SGCZ: variants seen among roughly 807,000 people sequenced by gnomAD.
SGCZ encodes zeta-sarcoglycan.
SGCZ carries 40 observed loss-of-function variants against 41.3 expected under a neutral mutation model. The ratio of observed to expected loss-of-function variants is 0.97; its 90% CI spans 0.75 to 1.26. The LOEUF is 1.26. Ranked by LOEUF, SGCZ falls within the 50% of genes most tolerant of loss-of-function variation. The pLI is 0.00. For missense variants in SGCZ, 552 were observed against 369.8 expected, an observed-to-expected ratio of 1.49 and a Z score of -4.04; for synonymous variants, 206 against 137.5, an observed-to-expected ratio of 1.50 and a Z score of -3.49.
Position 14,647,209 on chromosome 8 carries a change from G to A in SGCZ, c.40-92283C>T, listed in dbSNP as rs562884339. ...TAATGATAAACTATATAGCTCTCTG[G>A]ACTGATAAACAGAAAAATGAGACCA... On this transcript the variant is annotated intron_variant, in intron 1 of 7. Coordinates refer to ENST00000382080, the MANE Select transcript of SGCZ (RefSeq NM_139167.4). Among the ~76,000 whole-genome samples the A allele has an allele frequency of 3.3e-5, 5 of 151,996 alleles. No homozygotes were observed. The South Asian group carries it at 8.3e-4, about 25-fold the overall frequency.
intron 1 of SGCZ, among the ~76,000 whole-genome samples, chr8:15,225,937 T>C (rs1322860730): frequency 1.3e-5 from 2 of 152,290 alleles, no homozygotes; most frequent in South Asian, 4.1e-4. Flanking sequence ...CCTGCTTTGA[T>C]CTATGCACAT....
intron 4 of SGCZ, among the ~76,000 whole-genome samples, chr8:14,177,562 T>G (rs1381143624): frequency 6.6e-6 from 1 of 152,144 alleles, no homozygotes; most frequent in African/African-American, 2.4e-5. Context: ...CAGGCTGGAG[T>G]GCAGTGGCGC....
intron 2 of SGCZ, among the ~76,000 whole-genome samples, chr8:14,541,375 C>T (rs879464975): frequency 1.3e-4 from 20 of 151,736 alleles, no homozygotes; most frequent in East Asian, 1.9e-4. Flanking sequence ...TGTTCAGCTC[C>T]GAGTGAGAAC....
At chr8:14,998,457 G>C (rs762054167) in intron 1 of SGCZ, among the ~76,000 whole-genome samples, 1 of 152,218 alleles carries the variant, frequency 6.6e-6, no homozygotes, top group Non-Finnish European at 1.5e-5. Context: ...AATGATGACA[G>C]ATAGATAGCC....
At chr8:14,672,394 T>C (rs937769837) in intron 1 of SGCZ, among the ~76,000 whole-genome samples, 2 of 152,164 alleles carry the variant, frequency 1.3e-5, no homozygotes, top group Non-Finnish European at 2.9e-5. Flanking sequence ...GCAAGAAACA[T>C]GATTGGGCTT....
intron 1 of SGCZ, among the ~76,000 whole-genome samples, chr8:14,839,368 G>C (rs532599096): frequency 3.3e-5 from 5 of 152,240 alleles, no homozygotes; most frequent in African/African-American, 1.2e-4. Context: ...GCATACATGA[G>C]AACCTGTGTT....
At chr8:14,264,408 T>C (rs1218819401) in intron 3 of SGCZ, among the ~76,000 whole-genome samples, 1 of 152,142 alleles carries the variant, frequency 6.6e-6, no homozygotes, top group Admixed American at 6.5e-5. Context: ...AGCATCTGGA[T>C]CTTCCTCAGC....
chr8:14,490,657 A>G (rs1334213304), intron 2 of SGCZ, among the ~76,000 whole-genome samples: 1 of 152,184 alleles, frequency 6.6e-6, no homozygotes, highest in Non-Finnish European at 1.5e-5. Context: ...AGTGTCCATT[A>G]CAAGTCAAAT....
intron 1 of SGCZ, among the ~76,000 whole-genome samples, chr8:14,676,264 T>C (rs1247133936): frequency 6.6e-6 from 1 of 151,992 alleles, no homozygotes; most frequent in Non-Finnish European, 1.5e-5. Flanking sequence ...TTAAGGCCAA[T>C]GCAGAAAGAT....
At chr8:14,444,913 CA>C (rs1800389049) in intron 2 of SGCZ, among the ~76,000 whole-genome samples, 1 of 152,054 alleles carries the variant, frequency 6.6e-6, no homozygotes, top group Non-Finnish European at 1.5e-5. Context: ...CGCTGGATTC[CA>C]AACAAACCTG....
At chr8:14,094,250 A>G (rs936214466) in intron 7 of SGCZ, among the ~76,000 whole-genome samples, 11 of 152,152 alleles carry the variant, frequency 7.2e-5, no homozygotes, top group African/African-American at 2.6e-4. Context: ...CAATCAACGC[A>G]TCATCTACTT....
In SGCZ at chr8:15,052,866, G is replaced by A. The variant is rs146579562; in HGVS notation, c.39+184719C>T. Among the ~76,000 whole-genome samples the A allele has an allele frequency of 1.2e-3, 184 of 152,164 alleles. 2 individuals carry two copies. In the East Asian group the frequency reaches 0.033, roughly 28 times the overall value. On this transcript the variant is annotated intron_variant, in intron 1 of 7. Transcript: ENST00000382080. ...TAATGGCTTCCACTGAACTCTCTAT[G>A]AAAAACATTGACCTAATATATTTAT...
At chr8:15,186,126 G>C (rs1043593400) in intron 1 of SGCZ, among the ~76,000 whole-genome samples, 9 of 150,166 alleles carry the variant, frequency 6.0e-5, no homozygotes, top group African/African-American at 2.2e-4. Flanking sequence ...GCCGGGCATG[G>C]CGGAGGGCGC....
intron 2 of SGCZ, among the ~76,000 whole-genome samples, chr8:14,422,828 A>G (rs886507792): frequency 6.6e-6 from 1 of 152,190 alleles, no homozygotes; most frequent in Admixed American, 6.5e-5. Flanking sequence ...GAAATCTGAG[A>G]CCAGCCTGGG....
At chr8:15,024,353 G>C (rs920434060) in intron 1 of SGCZ, among the ~76,000 whole-genome samples, 1 of 152,102 alleles carries the variant, frequency 6.6e-6, no homozygotes. Context: ...TAAATTTGAG[G>C]AGACACTGCT....
chr8:14,114,492 AAAG>A (rs1450354325), intron 5 of SGCZ, among the ~76,000 whole-genome samples: 1 of 152,032 alleles, frequency 6.6e-6, no homozygotes, highest in Non-Finnish European at 1.5e-5. Flanking sequence ...GGATTTCTAA[AAAG>A]AAATTGTTTC....
chr8:14,373,370 T>C (rs1207111693), intron 2 of SGCZ, among the ~76,000 whole-genome samples: 1 of 152,198 alleles, frequency 6.6e-6, no homozygotes, highest in African/African-American at 2.4e-5. Context: ...GGATATATAA[T>C]TCTAAAATTC....
intron 2 of SGCZ, among the ~76,000 whole-genome samples, chr8:14,346,437 T>C (rs1012475130): frequency 3.3e-5 from 5 of 152,008 alleles, no homozygotes; most frequent in Admixed American, 2.6e-4. Flanking sequence ...AATTCTGACA[T>C]AATAAAATGG....
chr8:14,302,745 A>G (rs944002840), intron 3 of SGCZ, among the ~76,000 whole-genome samples: 8 of 152,212 alleles, frequency 5.3e-5, no homozygotes, highest in Admixed American at 1.3e-4. Flanking sequence ...AAGGAAGTAC[A>G]CAGAAACACC....
Sources: allele counts gnomAD v4.1 joint callset (sites outside exome capture counted in the v4.1 genomes callset), GRCh38; gene constraint gnomAD v4.1.1; transcripts MANE v1.5; gene names NCBI Gene and HGNC (gene_info 2026-07-23, HGNC 2026-07-21).